Variants in MYO5C observed in about 807,000 individuals in gnomAD.
MYO5C encodes the protein myosin VC.
In MYO5C, 194 loss-of-function variants were observed where a neutral mutation model predicts 235.7. The ratio of observed to expected loss-of-function variants is 0.82; its 90% CI spans 0.73 to 0.93. The LOEUF (loss-of-function observed/expected upper bound fraction) is 0.93, where lower values mean the gene tolerates loss of function less well. Ranked by LOEUF, MYO5C falls within the 40% of genes least tolerant of loss-of-function variation. The pLI is 0.00. For synonymous variants in MYO5C, 707 were observed against 754.8 expected, an observed-to-expected ratio of 0.94 and a Z score of 1.04; for missense variants, 2,038 against 2,127.2, an observed-to-expected ratio of 0.96 and a Z score of 0.82.
intron 6 of MYO5C, among the ~76,000 whole-genome samples, chr15:52,272,339 G>A (rs1472677251): frequency 1.3e-5 from 2 of 152,140 alleles, no homozygotes; most frequent in African/African-American, 2.4e-5. Flanking sequence ...TAAGGATTTT[G>A]TAAATCCCCC....
At chr15:52,251,604 G>T in intron 12 of MYO5C, 89 bp from the exon 13 acceptor site, 1 of 972,952 alleles carries the variant, frequency 1.0e-6, no homozygotes, top group Non-Finnish European at 1.4e-6. Flanking sequence ...AAACCAAGGT[G>T]ATTTGGCACT....
chr15:52,256,552 T>C (rs2140814967), intron 11 of MYO5C, 87 bp downstream of exon 11: 1 of 791,650 alleles, frequency 1.3e-6, no homozygotes, highest in East Asian at 3.6e-5. Context: ...GAAGAATGCC[T>C]CTTTCCACGA....
chr15:52,222,649 G>A (rs2035718705), intron 29 of MYO5C, among the ~76,000 whole-genome samples: 1 of 150,692 alleles, frequency 6.6e-6, no homozygotes, highest in Non-Finnish European at 1.5e-5. Context: ...TGAATGGGAG[G>A]TGTGCGGAGG....
intron 1 of MYO5C, among the ~76,000 whole-genome samples, chr15:52,291,746 T>TTTTTTTTG (rs2037398447): frequency 1.1e-5 from 1 of 92,862 alleles, no homozygotes; most frequent in Non-Finnish European, 2.4e-5. Context: ...TTTTTTTTTT[T>TTTTTTTTG]TTTTTTTTTT....
rs1386788896 is a variant in MYO5C, at chr15:52,229,264, T to C, written c.3076A>G (p.Ile1026Val). ...ELKTQDYEKQIQSLKEEIKAL... is the reference protein window; with the variant it reads ...ELKTQDYEKQVQSLKEEIKAL... The stretch of plus-strand genomic sequence containing the variant: ...TTAATTTCTTCTTTCAAAGACTGAA[T>C]CTGCTTCTCATAGTCTTGTGTTTTC... The change falls in exon 25 of 41, where the codon ATT becomes GTT. Residue 1026 changes from isoleucine (I) to valine (V), a missense_variant. Coordinates refer to ENST00000261839, the MANE Select transcript of MYO5C (RefSeq NM_018728.4). The C allele has an allele frequency of 3.7e-6, 6 of 1,614,218 alleles. No homozygotes were observed. In the South Asian group the frequency reaches 5.5e-5, roughly 15 times the overall value.
intron 5 of MYO5C, among the ~76,000 whole-genome samples, chr15:52,274,507 G>A (rs2036994706): frequency 6.6e-6 from 1 of 152,066 alleles, no homozygotes; most frequent in Admixed American, 6.6e-5. Context: ...TGGAACTTCT[G>A]AGCTCAAGCA....
intron 7 of MYO5C, among the ~76,000 whole-genome samples, chr15:52,270,671 T>TATGA: frequency 6.6e-6 from 1 of 151,018 alleles, no homozygotes; most frequent in Non-Finnish European, 1.5e-5. Flanking sequence ...TATGTATATA[T>TATGA]ATGTATGTAT....
Position 52,204,876 on chromosome 15 carries a change from C to T in MYO5C, c.4809G>A (p.Gly1603=). Residue 1603 remains glycine, a synonymous_variant, in exon 38 of 41, where the codon GGG becomes GGA. Transcript: ENST00000261839. The part of the protein sequence containing the change: ...LRKDMCSCRK[G]MQIRCNISYL... Reference sequence around the variant, plus strand: ...TTTCTGGGTTTTACCTGATCTGCATCCCTTTTCTGCAGGAGCACATGTCCT... The same window carrying T: ...TTTCTGGGTTTTACCTGATCTGCATTCCTTTTCTGCAGGAGCACATGTCCT... The T allele has an allele frequency of 6.2e-7, 1 of 1,614,038 alleles. No individual in the cohort carries two copies. Among genetic ancestry groups the T allele is most frequent in the Non-Finnish European group, 8.5e-7 (1 of 1,179,974 alleles).
chr15:52,264,106 C>G (rs1051911325), intron 9 of MYO5C, 84 bp downstream of exon 9: 6 of 1,056,062 alleles, frequency 5.7e-6, no homozygotes, highest in Non-Finnish European at 8.4e-6. Flanking sequence ...ATATCTGGTG[C>G]TAAAAAGCAA....
intron 1 of MYO5C, among the ~76,000 whole-genome samples, chr15:52,291,228 G>T (rs759371312): frequency 1.3e-5 from 2 of 152,208 alleles, no homozygotes; most frequent in Non-Finnish European, 2.9e-5. Flanking sequence ...CCACTAAAAT[G>T]GGCATCAAGG....
rs1302076393 is a variant in MYO5C, at chr15:52,264,160, A to T, written c.1047+30T>A. ...CCAGTTCCACTATGACCCTTAGACAAAGGAAAAGTAAAACAAATGAGCATC... is the reference window on the plus strand; with the variant it reads ...CCAGTTCCACTATGACCCTTAGACATAGGAAAAGTAAAACAAATGAGCATC... On this transcript the variant is annotated intron_variant, in intron 9 of 40. Transcript: ENST00000261839. 2.6e-6 allele frequency: 4 copies of T among 1,548,866 alleles called. No individual in the cohort carries two copies. In the African/African-American group the frequency reaches 5.4e-5, roughly 21 times the overall value.
Position 52,261,098 on chromosome 15 carries a change from A to G in MYO5C, c.1077T>C (p.Cys359=). 1.2e-6 allele frequency: 2 copies of G among 1,614,214 alleles called. No individual in the cohort carries two copies. The highest frequency in any genetic ancestry group is 1.7e-6 in the Non-Finnish European group (2 of 1,180,040). Residue 359 remains cysteine (C), a synonymous_variant, in exon 10 of 41, where the codon TGT becomes TGC. Coordinates refer to ENST00000261839, the MANE Select transcript of MYO5C (RefSeq NM_018728.4). ...SEDDSHLKVF[C]ELLGLESGRV... is the part of the protein sequence containing the mutation. ...TGCCACTCTCCAGGCCCAGGAGCTCACAGAACACCTTCAGGTGACTGTCAT... is the reference window on the plus strand; with the variant it reads ...TGCCACTCTCCAGGCCCAGGAGCTCGCAGAACACCTTCAGGTGACTGTCAT...
chr15:52,290,400 A>C (rs1249001022), intron 1 of MYO5C, among the ~76,000 whole-genome samples: 1 of 152,176 alleles, frequency 6.6e-6, no homozygotes, highest in Non-Finnish European at 1.5e-5. Flanking sequence ...CAAATTAAAA[A>C]AAAAATCGTT....
chr15:52,229,051 T>TA, intron 25 of MYO5C, 82 bp downstream of exon 25: 1 of 1,535,704 alleles, frequency 6.5e-7, no homozygotes, highest in Non-Finnish European at 8.9e-7. Flanking sequence ...CAGATGCTTT[T>TA]AGCTGTCTAA....
At chr15:52,241,975 C>A in intron 20 of MYO5C, 73 bp downstream of exon 20, 1 of 1,472,194 alleles carries the variant, frequency 6.8e-7, no homozygotes, top group Non-Finnish European at 9.1e-7. Context: ...GAAGTCTTTC[C>A]CTGGGCCCTG....
chr15:52,231,616 T>C (rs1036897295), intron 24 of MYO5C, among the ~76,000 whole-genome samples: 1 of 152,216 alleles, frequency 6.6e-6, no homozygotes, highest in African/African-American at 2.4e-5. Flanking sequence ...TCTGTGATAT[T>C]CCCTCCTCTC....
chr15:52,248,493 T>G (rs1287721946), intron 14 of MYO5C, among the ~76,000 whole-genome samples: 1 of 152,176 alleles, frequency 6.6e-6, no homozygotes, highest in Non-Finnish European at 1.5e-5. Context: ...TCCTGTCATC[T>G]GCATGTTTGA....
At position 52,248,687 on chromosome 15, in the gene MYO5C, G is replaced by A. The variant is rs368724533; in HGVS notation, c.1746+13C>T. 8.1e-6 allele frequency: 13 copies of A among 1,599,244 alleles called. No homozygotes were observed. The highest frequency in any genetic ancestry group is 1.0e-5 in the Non-Finnish European group (12 of 1,167,092). On this transcript the variant is annotated intron_variant, in intron 14 of 40. Coordinates refer to ENST00000261839, the MANE Select transcript of MYO5C (RefSeq NM_018728.4). Reference sequence around the variant, plus strand: ...TATATAATAACTTTAGTTACCCCTAGGACTTTACAGACCTTGCTTGCTCTC... The same window carrying A: ...TATATAATAACTTTAGTTACCCCTAAGACTTTACAGACCTTGCTTGCTCTC...
Position 52,240,546 on chromosome 15 carries a change from AAGAAAAAG to A in MYO5C, c.2557-675_2557-668del, listed in dbSNP as rs1323768257. Among the ~76,000 whole-genome samples, 7 of 141,092 alleles carry A rather than the reference AAGAAAAAG, an allele frequency of 5.0e-5. 1 individual carries two copies. The highest frequency in any genetic ancestry group is 4.4e-4 in the Admixed American group (6 of 13,640). 92.6% of individuals were successfully genotyped at this position (141,092 alleles called of 152,430 possible). A position where few individuals can be genotyped will look rare whatever the true frequency, so the allele number is the denominator to read the frequency against. On this transcript the variant is annotated intron_variant, in intron 20 of 40. Coordinates refer to ENST00000261839, the MANE Select transcript of MYO5C (RefSeq NM_018728.4). ...TATAGAGACTCATTCTCTACAAAAA[AAGAAAAAG>A]AAGAAAAAAGAAAAAAAAAAAAGAA...
Sources: allele counts gnomAD v4.1 joint callset (sites outside exome capture counted in the v4.1 genomes callset), GRCh38; gene constraint gnomAD v4.1.1; transcripts MANE v1.5; gene names NCBI Gene and HGNC (gene_info 2026-07-23, HGNC 2026-07-21).